PPP2R3A: variants seen among roughly 807,000 people sequenced by gnomAD.
The protein encoded by PPP2R3A is protein phosphatase 2 regulatory subunit B''alpha.
PPP2R3A carries 80 observed loss-of-function variants against 106.9 expected under a neutral mutation model. The ratio of observed to expected loss-of-function variants is 0.75; its 90% CI spans 0.62 to 0.90. The LOEUF is 0.90. Ranked by LOEUF, PPP2R3A falls within the 40% of genes least tolerant of loss-of-function variation. PPP2R3A has a pLI of 0.00. For missense variants in PPP2R3A, 1,386 were observed against 1,350.4 expected, an observed-to-expected ratio of 1.03 and a Z score of -0.41; for synonymous variants, 483 against 468.3, an observed-to-expected ratio of 1.03 and a Z score of -0.41.
intron 1 of PPP2R3A, among the ~76,000 whole-genome samples, chr3:135,978,189 A>G (rs1289584881): frequency 6.6e-6 from 1 of 152,026 alleles, no homozygotes; most frequent in Non-Finnish European, 1.5e-5. Context: ...CTTATATTTA[A>G]AGTTATACAT....
At chr3:136,025,534 A>G (rs1009552545) in intron 2 of PPP2R3A, among the ~76,000 whole-genome samples, 1 of 152,124 alleles carries the variant, frequency 6.6e-6, no homozygotes, top group African/African-American at 2.4e-5. Flanking sequence ...AACCATTTTC[A>G]TATATTTATA....
At chr3:136,070,248 G>A (rs373787573) in intron 5 of PPP2R3A, among the ~76,000 whole-genome samples, 8 of 152,130 alleles carry the variant, frequency 5.3e-5, no homozygotes, top group East Asian at 1.9e-4. Context: ...ATTACCTAAC[G>A]TAGCTAAAAT....
intron 5 of PPP2R3A, among the ~76,000 whole-genome samples, chr3:136,054,546 C>G (rs532991756): frequency 6.6e-6 from 1 of 152,224 alleles, no homozygotes; most frequent in Admixed American, 6.5e-5. Context: ...CATGAGCCAC[C>G]GCGTCCAGCC....
At chr3:136,067,547 A>G (rs1936296992) in intron 5 of PPP2R3A, among the ~76,000 whole-genome samples, 1 of 152,218 alleles carries the variant, frequency 6.6e-6, no homozygotes, top group South Asian at 2.1e-4. Context: ...CAAGGTGACT[A>G]GAATTCTCTG....
At chr3:135,988,495 G>A (rs889103014) in intron 1 of PPP2R3A, among the ~76,000 whole-genome samples, 2 of 151,972 alleles carry the variant, frequency 1.3e-5, no homozygotes, top group Admixed American at 1.3e-4. Context: ...CATCCTAACA[G>A]CCAGAATGAT....
chr3:136,022,782 A>T (rs1212900818), intron 2 of PPP2R3A: 1 of 1,178,054 alleles, frequency 8.5e-7, no homozygotes, highest in African/African-American at 1.6e-5. Context: ...TCAATTTGAC[A>T]TAAAGCTACC....
chr3:135,991,208 C>T (rs979290786), intron 1 of PPP2R3A, among the ~76,000 whole-genome samples: 1 of 152,102 alleles, frequency 6.6e-6, no homozygotes, highest in Admixed American at 6.6e-5. Context: ...GTTCATAGTT[C>T]TTTATGTTGA....
At chr3:136,054,448 G>T (rs1935792667) in intron 5 of PPP2R3A, among the ~76,000 whole-genome samples, 1 of 151,890 alleles carries the variant, frequency 6.6e-6, no homozygotes, top group Non-Finnish European at 1.5e-5. Flanking sequence ...TAGTAGAGAT[G>T]GGGTTTCATC....
chr3:136,084,602 CA>C (rs1936873202), intron 8 of PPP2R3A, among the ~76,000 whole-genome samples: 1 of 152,138 alleles, frequency 6.6e-6, no homozygotes. Flanking sequence ...ATGGTAGATC[CA>C]CCAATAGTTT....
intron 10 of PPP2R3A, among the ~76,000 whole-genome samples, chr3:136,100,513 T>TAA (rs778637778): frequency 5.0e-5 from 7 of 139,174 alleles, no homozygotes; most frequent in African/African-American, 1.3e-4. Flanking sequence ...CGTCTCTCCT[T>TAA]AAAAAAAAAA....
At chr3:136,142,161 A>T (rs758457506) in intron 13 of PPP2R3A, among the ~76,000 whole-genome samples, 1 of 152,212 alleles carries the variant, frequency 6.6e-6, no homozygotes, top group African/African-American at 2.4e-5. Context: ...GTACAAAACG[A>T]GAAGAGCTTA....
chr3:136,034,426 A>G (rs1046583485), intron 3 of PPP2R3A, among the ~76,000 whole-genome samples: 7 of 152,108 alleles, frequency 4.6e-5, no homozygotes, highest in African/African-American at 1.7e-4. Flanking sequence ...TTGTGTCACT[A>G]TTGTCATTCA....
chr3:136,057,240 A>G (rs913669271), intron 5 of PPP2R3A, among the ~76,000 whole-genome samples: 1 of 152,188 alleles, frequency 6.6e-6, no homozygotes, highest in African/African-American at 2.4e-5. Context: ...TTGCAACACT[A>G]TTCACAATAG....
intron 13 of PPP2R3A, 144 bp downstream of exon 13, chr3:136,106,466 A>AT (rs1937518615): frequency 1.5e-6 from 1 of 679,058 alleles, no homozygotes; most frequent in African/African-American, 1.8e-5. Flanking sequence ...TAGTTAAATG[A>AT]TTATTTTTTC....
intron 13 of PPP2R3A, chr3:136,106,942 A>AAAAAAAC (rs1937528495): frequency 1.6e-5 from 2 of 127,416 alleles, no homozygotes; most frequent in African/African-American, 6.7e-5. Flanking sequence ...AAAAAAAAAA[A>AAAAAAAC]AAAAAAAAAA....
chr3:136,139,642 G>A (rs1235054809), intron 13 of PPP2R3A, among the ~76,000 whole-genome samples: 4 of 148,420 alleles, frequency 2.7e-5, no homozygotes, highest in African/African-American at 5.0e-5. Flanking sequence ...GCAGTGAGCC[G>A]AGATCACGCC....
At chr3:136,130,944 T>C (rs954178508) in intron 13 of PPP2R3A, among the ~76,000 whole-genome samples, 1 of 152,194 alleles carries the variant, frequency 6.6e-6, no homozygotes, top group African/African-American at 2.4e-5. Flanking sequence ...CTGGGAAAAT[T>C]GGCTAGCCAT....
intron 1 of PPP2R3A, among the ~76,000 whole-genome samples, chr3:135,970,629 A>G (rs1289588133): frequency 6.6e-6 from 1 of 152,218 alleles, no homozygotes; most frequent in Non-Finnish European, 1.5e-5. Context: ...GGCAGAAACC[A>G]AAATGAAGTG....
intron 13 of PPP2R3A, among the ~76,000 whole-genome samples, chr3:136,121,866 C>G (rs1938009243): frequency 1.3e-5 from 2 of 152,100 alleles, no homozygotes. Context: ...TAGGTTTTCA[C>G]TTGATTATCT....
Sources: allele counts gnomAD v4.1 joint callset (sites outside exome capture counted in the v4.1 genomes callset), GRCh38; gene constraint gnomAD v4.1.1; transcripts MANE v1.5; gene names NCBI Gene and HGNC (gene_info 2026-07-23, HGNC 2026-07-21).